MDN1: variants seen among roughly 807,000 people sequenced by gnomAD.
MDN1 encodes the protein midasin.
MDN1 carries 266 observed loss-of-function variants against 669.2 expected under a neutral mutation model. The ratio of observed to expected loss-of-function variants is 0.40; its 90% CI spans 0.36 to 0.44. MDN1 has a LOEUF of 0.44. MDN1 is among the 20% of genes least tolerant of loss of function. The pLI is 1.00. For missense variants in MDN1, 5,940 were observed against 6,754.0 expected, an observed-to-expected ratio of 0.88 and a Z score of 4.22; for synonymous variants, 2,385 against 2,457.1, an observed-to-expected ratio of 0.97 and a Z score of 0.87.
intron 21 of MDN1, 82 bp downstream of exon 21, chr6:89,754,001 C>T: frequency 6.9e-7 from 1 of 1,440,114 alleles, no homozygotes; most frequent in Non-Finnish European, 9.3e-7. Context: ...GCACAGGCAA[C>T]CTGGCATATG....
chr6:89,695,629 G>A lies in MDN1; in HGVS notation c.9747C>T (p.Tyr3249=). The change falls in exon 61 of 102, where the codon TAC becomes TAT. Residue 3249 remains tyrosine (Y), a synonymous_variant. Coordinates refer to ENST00000369393, the MANE Select transcript of MDN1 (RefSeq NM_014611.3). The surrounding 1 kb of genome is among the most constrained non-coding windows in gnomAD (Gnocchi z 4.1). The part of the protein sequence containing the change: ...ARFDPAVKRE[Y]KLNYVKEELH... Reference sequence around the variant, plus strand: ...CCTCTTCCTTGACGTAATTGAGCTTGTACTCCCTCTTCACCGCAGGGTCAA... The same window carrying A: ...CCTCTTCCTTGACGTAATTGAGCTTATACTCCCTCTTCACCGCAGGGTCAA... 6.2e-7 allele frequency: 1 copy of A among 1,604,352 alleles called. No individual in the cohort carries two copies. Among genetic ancestry groups the A allele is most frequent in the Non-Finnish European group, 8.5e-7 (1 of 1,172,982 alleles).
rs199866741 is a variant in MDN1, at chr6:89,717,158, CA to C, written c.6584-350del. On this transcript the variant is annotated intron_variant, in intron 43 of 101. Coordinates refer to ENST00000369393, the MANE Select transcript of MDN1 (RefSeq NM_014611.3). ...GAAAGTGCTATAACTTCACACAGTG[CA>C]AACTGGGCTTCCTTTATAATGAGCA... is the stretch of plus-strand genomic sequence containing the variant. Among the ~76,000 whole-genome samples the C allele has an allele frequency of 6.1e-3, 931 of 152,304 alleles. 9 individuals are homozygous for C. The highest frequency in any genetic ancestry group is 0.02 in the African/African-American group (838 of 41,566).
chr6:89,798,680 G>C (rs1584389502), intron 2 of MDN1, among the ~76,000 whole-genome samples: 1 of 152,182 alleles, frequency 6.6e-6, no homozygotes, highest in East Asian at 1.9e-4. Flanking sequence ...TGCATATATT[G>C]ATGAAAATAC....
chr6:89,658,646 T>G lies in MDN1; in HGVS notation c.14985A>C (p.Gly4995=). 6.2e-7 allele frequency: 1 copy of G among 1,612,980 alleles called. No individual in the cohort carries two copies. The highest frequency in any genetic ancestry group is 8.5e-7 in the Non-Finnish European group (1 of 1,178,924). Residue 4995 remains glycine, a synonymous_variant, in exon 89 of 102, where the codon GGA becomes GGC. Coordinates refer to ENST00000369393, the MANE Select transcript of MDN1 (RefSeq NM_014611.3). ...AACCTTGGTCAGCAGGGCCATTCTCTCCACCTTCTTCATCGGCTTCCTTGT... is the reference window on the plus strand; with the variant it reads ...AACCTTGGTCAGCAGGGCCATTCTCGCCACCTTCTTCATCGGCTTCCTTGT... ...EKDKEADEEG[G]ENGPADQGFQ... is the part of the protein sequence containing the mutation.
intron 53 of MDN1, among the ~76,000 whole-genome samples, chr6:89,705,674 G>GA (rs1290445299): frequency 6.6e-6 from 1 of 152,124 alleles, no homozygotes; most frequent in East Asian, 1.9e-4. Context: ...TCCACGTATA[G>GA]AAAATACAAC....
Position 89,695,745 on chromosome 6 carries a change from T to C in MDN1, c.9631A>G (p.Lys3211Glu). 6.2e-7 allele frequency: 1 copy of C among 1,613,710 alleles called. No individual in the cohort carries two copies. The highest frequency in any genetic ancestry group is 8.5e-7 in the Non-Finnish European group (1 of 1,180,000). Residue 3211 changes from lysine to glutamate, a missense_variant, in exon 61 of 102, where the codon AAG becomes GAG. By Grantham distance (56) the Lys-to-Glu change is moderately conservative (BLOSUM62 1). Transcript: ENST00000369393. The surrounding 1 kb of genome is among the most constrained non-coding windows in gnomAD (Gnocchi z 4.1). ...LHHFVGEGES[K>E]RSLPEPAQRG... Reference sequence around the variant, plus strand: ...TGGGCTGGCTCAGGCAGGCTCCTCTTACTCTCCCCTTCACCAACAAAGTGG... The same window carrying C: ...TGGGCTGGCTCAGGCAGGCTCCTCTCACTCTCCCCTTCACCAACAAAGTGG...
intron 31 of MDN1, 106 bp downstream of exon 31, chr6:89,743,044 G>A (rs911613719): frequency 1.4e-4 from 184 of 1,344,618 alleles, no homozygotes; most frequent in East Asian, 2.6e-4. Flanking sequence ...ATCATGACAC[G>A]GCACTGCAGC....
intron 4 of MDN1, 52 bp downstream of exon 4, chr6:89,794,048 A>C: frequency 1.7e-6 from 1 of 579,060 alleles, no homozygotes; most frequent in Admixed American, 4.2e-5. Context: ...CCCAGAAAAG[A>C]AAAAAAAAAA....
At chr6:89,784,777 T>C (rs958211501) in intron 9 of MDN1, among the ~76,000 whole-genome samples, 6 of 152,222 alleles carry the variant, frequency 3.9e-5, no homozygotes, top group Non-Finnish European at 7.3e-5. Context: ...TATAATAATG[T>C]TATTGTGGTT....
intron 75 of MDN1, among the ~76,000 whole-genome samples, chr6:89,677,901 CA>C (rs1411340193): frequency 6.6e-6 from 1 of 152,232 alleles, no homozygotes; most frequent in African/African-American, 2.4e-5. Flanking sequence ...GATTCACATG[CA>C]CGTTCAAGTT....
At position 89,642,973 on chromosome 6, in the gene MDN1, T is replaced by C. The variant is rs541510220; in HGVS notation, c.*1032A>G. 6.6e-6 allele frequency: 1 copy of C among 152,174 alleles called. No homozygotes were observed. Among genetic ancestry groups the C allele is most frequent in the Admixed American group, 6.5e-5 (1 of 15,278 alleles). 9.4% of individuals were successfully genotyped at this position (152,174 alleles called of 1,614,324 possible). A position where few individuals can be genotyped will look rare whatever the true frequency, so the allele number is the denominator to read the frequency against. On this transcript the variant is annotated 3_prime_UTR_variant, in exon 102 of 102. Transcript: ENST00000369393. ...TGGAAACAGACAAGGAGATAGATGA[T>C]TACATCATGACATACTGCCTACAAA...
Position 89,668,085 on chromosome 6 carries a change from A to T in MDN1, c.14023T>A (p.Tyr4675Asn). The T allele has an allele frequency of 6.2e-7, 1 of 1,614,090 alleles. No homozygotes were observed. The highest frequency in any genetic ancestry group is 1.7e-5 in the Admixed American group (1 of 60,014). The change falls in exon 84 of 102, where the codon TAT (tyrosine) becomes AAT (asparagine). Residue 4675 changes from tyrosine to asparagine, a missense_variant. Around this residue, in one of 5 missense-constraint regions of MDN1, gnomAD observed 2,280 missense variants for 2,576.3 expected, o/e 0.88. Coordinates refer to ENST00000369393, the MANE Select transcript of MDN1 (RefSeq NM_014611.3). ...CCTTCTCCAATTCCACCTCCCTCAT[A>T]GTCATGGAACTCAGTTGCTCCCTCT... ...AGEGATEFHDYEGGGIGEGEG... is the reference protein window; with the variant it reads ...AGEGATEFHDNEGGGIGEGEG...
In MDN1 at chr6:89,662,158, CCTT is replaced by C. The variant is rs765543267; in HGVS notation, c.14491_14493del (p.Lys4831del). On this transcript the variant is annotated inframe_deletion, in exon 87 of 102. Coordinates refer to ENST00000369393, the MANE Select transcript of MDN1 (RefSeq NM_014611.3). Reference sequence around the variant, plus strand: ...TCAGCTTCTGCTTCTTCCTTTTCTTCCTTCTTATCTTGCTGGCTTTTATCTTTG... The same window carrying C: ...TCAGCTTCTGCTTCTTCCTTTTCTTCCTTATCTTGCTGGCTTTTATCTTTG... 5.6e-6 allele frequency: 9 copies of C among 1,614,090 alleles called. No homozygotes were observed. The highest frequency in any genetic ancestry group is 2.2e-5 in the South Asian group (2 of 91,056).
At chr6:89,759,914 A>T (rs1307063244) in intron 17 of MDN1, among the ~76,000 whole-genome samples, 1 of 151,402 alleles carries the variant, frequency 6.6e-6, no homozygotes, top group Non-Finnish European at 1.5e-5. Context: ...TCTACTAAAA[A>T]TACAAAAATT....
chr6:89,684,417 G>A (rs150200435), intron 71 of MDN1, among the ~76,000 whole-genome samples: 269 of 150,640 alleles, frequency 1.8e-3, no homozygotes, highest in Admixed American at 3.1e-3. Context: ...AAAGAGTGCT[G>A]CTACAGTCAT....
At chr6:89,814,850 G>A (rs995218504) in intron 1 of MDN1, 9 of 488,834 alleles carry the variant, frequency 1.8e-5, no homozygotes, top group African/African-American at 4.0e-5. Flanking sequence ...CCTAAGAGCC[G>A]TCAACCTCAA....
At chr6:89,708,432 A>T in intron 51 of MDN1, 64 bp downstream of exon 51, 1 of 1,570,908 alleles carries the variant, frequency 6.4e-7, no homozygotes, top group Non-Finnish European at 8.7e-7. Context: ...ACAGATTCTT[A>T]GGAAAGGTAT....
At chr6:89,712,405 C>T (rs544127702) in intron 48 of MDN1, 149 bp from the exon 49 acceptor site, 2 of 980,718 alleles carry the variant, frequency 2.0e-6, no homozygotes, top group South Asian at 3.3e-5. Flanking sequence ...TTAAAACATA[C>T]CTAATAAATA....
chr6:89,715,884 T>C, intron 44 of MDN1, 115 bp from the exon 45 acceptor site: 2 of 732,346 alleles, frequency 2.7e-6, no homozygotes, highest in African/African-American at 1.7e-5. Flanking sequence ...GGCACAATCA[T>C]TCACCCAGAT....
Sources: allele counts gnomAD v4.1 joint callset (sites outside exome capture counted in the v4.1 genomes callset), GRCh38; gene constraint gnomAD v4.1.1; regional missense constraint gnomAD v4.1.1; non-coding constraint Gnocchi (gnomAD v3.1); transcripts MANE v1.5; gene names NCBI Gene and HGNC (gene_info 2026-07-23, HGNC 2026-07-21).